PTK2B: variants seen among roughly 807,000 people sequenced by gnomAD.
The protein encoded by PTK2B is protein tyrosine kinase 2 beta, also known as protein-tyrosine kinase 2-beta.
PTK2B carries 71 observed loss-of-function variants against 142.9 expected under a neutral mutation model. That is an observed-to-expected ratio of 0.50 (90% CI 0.41 to 0.61). The LOEUF is 0.61. PTK2B is among the 20% of genes least tolerant of loss of function. The pLI is 0.00. For missense variants in PTK2B, 1,105 were observed against 1,320.4 expected (o/e 0.84, Z 2.53); for synonymous variants, 519 against 503.4 (o/e 1.03, Z -0.42).
At chr8:27,353,190 C>T (rs1805198062) in intron 1 of PTK2B, among the ~76,000 whole-genome samples, 1 of 152,028 alleles carries the variant, frequency 6.6e-6, no homozygotes. Flanking sequence ...CAGAAGAGAC[C>T]CAGAAGATTT....
At chr8:27,355,956 G>A (rs1805366923) in intron 1 of PTK2B, among the ~76,000 whole-genome samples, 1 of 151,760 alleles carries the variant, frequency 6.6e-6, no homozygotes, top group African/African-American at 2.4e-5. Context: ...CCGGGAGGCA[G>A]AGGTAGCAGT....
chr8:27,378,582 A>G (rs542465505), intron 1 of PTK2B, among the ~76,000 whole-genome samples: 1 of 151,202 alleles, frequency 6.6e-6, no homozygotes, highest in Admixed American at 6.6e-5. Flanking sequence ...ATTCAAGAGT[A>G]TAAAATCTTA....
chr8:27,379,132 A>T (rs988285572), intron 1 of PTK2B, among the ~76,000 whole-genome samples: 5 of 152,168 alleles, frequency 3.3e-5, no homozygotes, highest in Non-Finnish European at 7.3e-5. Flanking sequence ...CATTCTTTTC[A>T]GGCTTAGGTC....
At chr8:27,334,143 C>T (rs1323916734) in intron 1 of PTK2B, among the ~76,000 whole-genome samples, 1 of 152,168 alleles carries the variant, frequency 6.6e-6, no homozygotes, top group East Asian at 1.9e-4. Flanking sequence ...CCTTCCTTCC[C>T]GTTTCTATGG....
chr8:27,364,921 T>C (rs1256904057), intron 1 of PTK2B, among the ~76,000 whole-genome samples: 1 of 152,200 alleles, frequency 6.6e-6, no homozygotes, highest in Non-Finnish European at 1.5e-5. Flanking sequence ...CCCCAGGGTT[T>C]CTTCCTGCAA....
In PTK2B at chr8:27,363,661, C is replaced by T. The variant is rs1204862324; in HGVS notation, c.-37-33887C>T. On this transcript the variant is annotated intron_variant, in intron 1 of 30. Transcript: ENST00000346049. The surrounding 1 kb of genome is among the most constrained non-coding windows in gnomAD (Gnocchi z 4.3). ...AGTCCTCCTTTTTCTCATCATGGAC[C>T]TCCTCCCCGGAGCCAGGCAGAGGCT... Among the ~76,000 whole-genome samples, 4 of 152,134 alleles carry T rather than the reference C, an allele frequency of 2.6e-5. No homozygotes were observed. Among genetic ancestry groups the T allele is most frequent in the African/African-American group, 9.7e-5 (4 of 41,432 alleles).
At chr8:27,410,243 G>C (rs746832730) in intron 2 of PTK2B, among the ~76,000 whole-genome samples, 5 of 152,204 alleles carry the variant, frequency 3.3e-5, no homozygotes, top group Non-Finnish European at 5.9e-5. Context: ...GTGTTGATGG[G>C]AGCTCCCAAG....
intron 2 of PTK2B, among the ~76,000 whole-genome samples, chr8:27,405,035 C>CCTCTCTCTCTCTCTCT (rs3076734): frequency 0.027 from 3,163 of 118,874 alleles, 205 homozygotes; most frequent in African/African-American, 0.051. Context: ...TCTTTCTCTT[C>CCTCTCTCTCTCTCTCT]CTCTCTCTCT....
rs1430689604 is a variant in PTK2B, at chr8:27,454,150, T to A, written c.2596-4T>A. 1 of 1,613,926 alleles carries A rather than the reference T, an allele frequency of 6.2e-7. No homozygotes were observed. Among genetic ancestry groups the A allele is most frequent in the Non-Finnish European group, 8.5e-7 (1 of 1,179,960 alleles). ...CTCACTGGCCACCTGCGTCTTCCCCTCAGTCCATCCAGCCCACAGCTAACC... is the reference window on the plus strand; with the variant it reads ...CTCACTGGCCACCTGCGTCTTCCCCACAGTCCATCCAGCCCACAGCTAACC... On this transcript the variant is annotated splice_polypyrimidine_tract_variant and splice_region_variant and intron_variant, in intron 28 of 30. Transcript: ENST00000346049.
chr8:27,331,090 C>G (rs1485371131), intron 1 of PTK2B, among the ~76,000 whole-genome samples: 1 of 152,228 alleles, frequency 6.6e-6, no homozygotes, highest in South Asian at 2.1e-4. Context: ...AGATCACTCA[C>G]TAGAGACAGG....
intron 4 of PTK2B, 31 bp from the exon 5 acceptor site, chr8:27,422,273 A>G: frequency 6.2e-7 from 1 of 1,603,380 alleles, no homozygotes; most frequent in Non-Finnish European, 8.5e-7. Flanking sequence ...GTGAGGGTGC[A>G]AGCCTGATGC....
intron 1 of PTK2B, among the ~76,000 whole-genome samples, chr8:27,370,170 T>C (rs553885380): frequency 6.6e-6 from 1 of 152,272 alleles, no homozygotes; most frequent in East Asian, 1.9e-4. Context: ...AACAGCTGTG[T>C]TGTATTGAAA....
chr8:27,422,440 C>T (rs1037066016), intron 5 of PTK2B, 57 bp downstream of exon 5: 198 of 1,421,594 alleles, frequency 1.4e-4, no homozygotes, highest in South Asian at 1.6e-4. Context: ...TGGGCAGGCC[C>T]GACCTTTCCC....
At chr8:27,345,425 G>T (rs1804657348) in intron 1 of PTK2B, among the ~76,000 whole-genome samples, 1 of 152,204 alleles carries the variant, frequency 6.6e-6, no homozygotes, top group Non-Finnish European at 1.5e-5. Context: ...GGGCAGAGCT[G>T]CCCATGTTGA....
chr8:27,398,746 T>C (rs3824104), intron 2 of PTK2B, among the ~76,000 whole-genome samples: 57,233 of 152,096 alleles, frequency 0.38, 11,473 homozygotes, highest in Middle Eastern at 0.5. Context: ...ATAGCCAACC[T>C]TTCCCATGTC....
chr8:27,376,806 T>G (rs1385976160), intron 1 of PTK2B, among the ~76,000 whole-genome samples: 1 of 152,248 alleles, frequency 6.6e-6, no homozygotes, highest in African/African-American at 2.4e-5. Flanking sequence ...ACCCTTTGTT[T>G]AGCATGTCAT....
rs895690242 is a variant in PTK2B at position 27,350,165 on chromosome 8, A to G, written c.-38+24484A>G. On this transcript the variant is annotated intron_variant, in intron 1 of 30. Transcript: ENST00000346049. ...TGAAGTTTATGTCATGGATACTTCC[A>G]TGGTGGCTGTGTATTTAGTAGCAGC... Among the ~76,000 whole-genome samples, 6 of 152,258 alleles carry G rather than the reference A, an allele frequency of 3.9e-5. 1 individual carries two copies. In the South Asian group the frequency reaches 6.2e-4, roughly 16 times the overall value.
chr8:27,435,682 T>C, intron 13 of PTK2B, 61 bp from the exon 14 acceptor site: 10 of 1,588,072 alleles, frequency 6.3e-6, no homozygotes, highest in Non-Finnish European at 8.6e-6. Context: ...CCACACCTGA[T>C]TCCTGGCGGT....
chr8:27,452,893 C>A, intron 27 of PTK2B: 6 of 587,978 alleles, frequency 1.0e-5, no homozygotes, highest in Non-Finnish European at 1.8e-5. Flanking sequence ...TGGGACTTTG[C>A]CTTTTTCTTC....
Sources: gnomAD v4.1 joint callset for allele counts (sites outside exome capture counted in the v4.1 genomes callset) on GRCh38, gnomAD v4.1.1 for gene constraint, Gnocchi (gnomAD v3.1) non-coding constraint, MANE v1.5 for transcripts, NCBI Gene and HGNC (gene_info 2026-07-23, HGNC 2026-07-21) for gene names.